KIF9: variants seen among roughly 807,000 people sequenced by gnomAD.
KIF9 encodes kinesin family member 9.
A neutral mutation model predicts 94.8 loss-of-function variants in KIF9; 68 were observed. The ratio of observed to expected loss-of-function variants is 0.72; its 90% CI spans 0.59 to 0.88. The LOEUF (loss-of-function observed/expected upper bound fraction) is 0.88. KIF9 is among the 40% of genes least tolerant of loss of function. The pLI is 0.00. For missense variants in KIF9, 882 were observed against 982.5 expected (o/e 0.90, Z 1.37); for synonymous variants, 343 against 362.1 (o/e 0.95, Z 0.60).
intron 3 of KIF9, 105 bp from the exon 4 acceptor site, chr3:47,273,763 T>C (rs1346804692): frequency 1.7e-5 from 16 of 969,192 alleles, no homozygotes; most frequent in Admixed American, 2.0e-5. Context: ...TGCATGAAGA[T>C]GGCCAGTGGG....
chr3:47,261,605 A>G (rs895202605), intron 9 of KIF9, among the ~76,000 whole-genome samples: 1 of 152,202 alleles, frequency 6.6e-6, no homozygotes, highest in African/African-American at 2.4e-5. Context: ...TAAGTGGGCC[A>G]GAGGAAAGAC....
chr3:47,276,330 T>G (rs991479185), intron 2 of KIF9, among the ~76,000 whole-genome samples: 1 of 151,780 alleles, frequency 6.6e-6, no homozygotes, highest in Non-Finnish European at 1.5e-5. Context: ...CCGTGGCAGG[T>G]AGATCACCTG....
intron 5 of KIF9, among the ~76,000 whole-genome samples, chr3:47,270,948 G>A (rs189083019): frequency 7.5e-4 from 112 of 148,776 alleles, no homozygotes; most frequent in Non-Finnish European, 1.1e-3. Context: ...AGACCAGCCT[G>A]GGCAACATGG....
At chr3:47,278,569 C>T (rs1702120902) in intron 1 of KIF9, among the ~76,000 whole-genome samples, 1 of 152,094 alleles carries the variant, frequency 6.6e-6, no homozygotes, top group Non-Finnish European at 1.5e-5. Context: ...ATGGCTCATA[C>T]CATAATCTTA....
Position 47,277,352 on chromosome 3 carries a change from T to G in KIF9, c.23A>C (p.His8Pro), listed in dbSNP as rs1171139621. 2 of 1,613,896 alleles carry G rather than the reference T, an allele frequency of 1.2e-6. No homozygotes were observed. The highest frequency in any genetic ancestry group is 4.5e-5 in the East Asian group (2 of 44,876). ...GGTGGGTTTGACACGGACAAATGCA[T>G]GAACTTTTTTCCTAGTACCCATTCT... MGTRKKV[H>P]AFVRVKPTDD... Residue 8 changes from histidine to proline, a missense_variant, in exon 2 of 21, where the codon CAT becomes CCT. Transcript: ENST00000684063.
chr3:47,242,799 TTTAA>T (rs2107187326), intron 16 of KIF9, among the ~76,000 whole-genome samples: 1 of 152,340 alleles, frequency 6.6e-6, no homozygotes, highest in South Asian at 2.1e-4. Flanking sequence ...GATACATAAC[TTTAA>T]TTATTTAAAT....
At chr3:47,279,198 T>C (rs1576101570) in intron 1 of KIF9, among the ~76,000 whole-genome samples, 1 of 139,698 alleles carries the variant, frequency 7.2e-6, no homozygotes, top group South Asian at 2.3e-4. Context: ...GTGGGCCAAG[T>C]GCGTTGGCTC....
chr3:47,255,162 A>T (rs1700494157), intron 10 of KIF9, among the ~76,000 whole-genome samples: 1 of 152,304 alleles, frequency 6.6e-6, no homozygotes, highest in Middle Eastern at 3.4e-3. Flanking sequence ...CCAAATTAAC[A>T]ATAAATGTGT....
At chr3:47,280,157 C>T (rs2107539381) in intron 1 of KIF9, among the ~76,000 whole-genome samples, 1 of 152,196 alleles carries the variant, frequency 6.6e-6, no homozygotes, top group South Asian at 2.1e-4. Flanking sequence ...GGGGTTTCAA[C>T]ATGTTGCCCA....
chr3:47,273,482 C>T, intron 4 of KIF9, 70 bp downstream of exon 4: 1 of 1,244,714 alleles, frequency 8.0e-7, no homozygotes, highest in South Asian at 1.4e-5. Flanking sequence ...GTAGCTGGCC[C>T]AGGGTCAGTA....
At position 47,273,700 on chromosome 3, in the gene KIF9, T is replaced by C. The variant is rs780012859; in HGVS notation, c.260-42A>G. ...ACACGGTGACATCCAGGAAAATAGCTCCAAGGATAACTCTCCCCTCTCCCA... is the reference window on the plus strand; with the variant it reads ...ACACGGTGACATCCAGGAAAATAGCCCCAAGGATAACTCTCCCCTCTCCCA... On this transcript the variant is annotated intron_variant, in intron 3 of 20. Transcript: ENST00000684063. 3.2e-6 allele frequency: 5 copies of C among 1,543,472 alleles called. No individual in the cohort carries two copies. The African/African-American group carries it at 6.8e-5, about 21-fold the overall frequency.
At chr3:47,262,552 C>T (rs933704455) in intron 9 of KIF9, among the ~76,000 whole-genome samples, 1 of 152,202 alleles carries the variant, frequency 6.6e-6, no homozygotes, top group East Asian at 1.9e-4. Flanking sequence ...GGATTACAGG[C>T]ATGAGCCATT....
At chr3:47,231,864 G>C (rs1207079646) in intron 20 of KIF9, 1 of 152,212 alleles carries the variant, frequency 6.6e-6, no homozygotes, top group Non-Finnish European at 1.5e-5. Flanking sequence ...CAGCCATCAG[G>C]TAAGTGAAGA....
At chr3:47,277,099 A>C (rs2107523001) in intron 2 of KIF9, 183 bp downstream of exon 2, 1 of 412,958 alleles carries the variant, frequency 2.4e-6, no homozygotes, top group South Asian at 8.8e-5. Flanking sequence ...TAACGATGGG[A>C]TTTTATTAAT....
At chr3:47,230,963 C>T (rs1452229025) in intron 20 of KIF9, among the ~76,000 whole-genome samples, 1 of 152,092 alleles carries the variant, frequency 6.6e-6, no homozygotes, top group Non-Finnish European at 1.5e-5. Flanking sequence ...ACTTACAACC[C>T]AGGGGGCAGA....
chr3:47,248,529 G>A (rs555701477), intron 10 of KIF9, among the ~76,000 whole-genome samples: 11 of 151,774 alleles, frequency 7.2e-5, no homozygotes, highest in South Asian at 2.1e-4. Context: ...TGCAACCTCC[G>A]CCTCCCGGGT....
Position 47,275,453 on chromosome 3 carries a change from C to A in KIF9, c.131G>T (p.Gly44Val), listed in dbSNP as rs1248086254. Residue 44 changes from glycine to valine, a missense_variant, in exon 3 of 21, where the codon GGA becomes GTA. By Grantham distance (109) the Gly-to-Val change is moderately radical. Coordinates refer to ENST00000684063, the MANE Select transcript of KIF9 (RefSeq NM_182902.4). ...GTCTGTCTGTTGGTTATTGACAACT[C>A]CTCTCCGAATGTCTTTTTTTAAGTG... ...DIHLKKDIRRGVVNNQQTDWS... is the reference protein window; with the variant it reads ...DIHLKKDIRRVVVNNQQTDWS... The A allele has an allele frequency of 1.9e-6, 3 of 1,611,246 alleles. No individual in the cohort carries two copies. Among genetic ancestry groups the A allele is most frequent in the Non-Finnish European group, 2.5e-6 (3 of 1,179,090 alleles).
At chr3:47,255,065 G>A (rs1033312570) in intron 10 of KIF9, among the ~76,000 whole-genome samples, 2 of 152,278 alleles carry the variant, frequency 1.3e-5, no homozygotes, top group East Asian at 1.9e-4. Context: ...TTTAGAATCT[G>A]AAAAGTTTAA....
At chr3:47,271,788 T>C (rs779967921) in intron 4 of KIF9, among the ~76,000 whole-genome samples, 5 of 152,212 alleles carry the variant, frequency 3.3e-5, no homozygotes, top group Non-Finnish European at 4.4e-5. Flanking sequence ...AATGAGGCAG[T>C]GCAGGAGCAA....
Sources: gnomAD v4.1 joint callset for allele counts (sites outside exome capture counted in the v4.1 genomes callset) on GRCh38, gnomAD v4.1.1 for gene constraint, MANE v1.5 for transcripts, NCBI Gene and HGNC (gene_info 2026-07-23, HGNC 2026-07-21) for gene names.